The following DHDDS variants were observed in gnomAD, a reference collection of about 807,000 sequenced individuals.
The protein encoded by DHDDS is dehydrodolichyl diphosphate synthase complex subunit DHDDS.
DHDDS carries 16 observed loss-of-function variants against 46.2 expected under a neutral mutation model. The observed-to-expected ratio is 0.35, with a 90% CI of 0.23 to 0.53. The LOEUF (loss-of-function observed/expected upper bound fraction) is 0.53. Ranked by LOEUF, DHDDS falls within the 20% of genes least tolerant of loss-of-function variation. The pLI is 0.94. For missense variants in DHDDS, 340 were observed against 423.7 expected, an observed-to-expected ratio of 0.80 and a Z score of 1.73; for synonymous variants, 151 against 163.1, an observed-to-expected ratio of 0.93 and a Z score of 0.56.
In DHDDS at chr1:26,469,185, CCCCTT is replaced by C. The variant is rs2075527135; in HGVS notation, c.*57_*61del. On this transcript the variant is annotated 3_prime_UTR_variant, in exon 9 of 9. Coordinates refer to ENST00000236342, the MANE Select transcript of DHDDS (RefSeq NM_205861.3). ...TGCCCTCTGCCTCCAGGGCTCCACT[CCCCTT>C]CCTTTTCTTGGTGAAAGGCACCTCC... 2 of 1,609,446 alleles carry C rather than the reference CCCCTT, an allele frequency of 1.2e-6. No homozygotes were observed. The highest frequency in any genetic ancestry group is 3.3e-5 in the Admixed American group (2 of 60,028).
intron 4 of DHDDS, chr1:26,443,162 T>A: frequency 2.5e-6 from 1 of 398,172 alleles, no homozygotes. Flanking sequence ...TTAAACCCAC[T>A]AGGTAGAACC....
chr1:26,433,775 G>T (rs184804010), intron 2 of DHDDS, among the ~76,000 whole-genome samples: 1 of 151,366 alleles, frequency 6.6e-6, no homozygotes, highest in Non-Finnish European at 1.5e-5. Context: ...TCGCTCTGTC[G>T]CCCAGGCTGG....
At chr1:26,449,093 T>C (rs772594415) in intron 6 of DHDDS, among the ~76,000 whole-genome samples, 71 of 151,804 alleles carry the variant, frequency 4.7e-4, no homozygotes, top group Non-Finnish European at 1.0e-4. Flanking sequence ...TATTTATTTT[T>C]ATTTTTTATT....
At chr1:26,462,313 G>T (rs575803924) in intron 8 of DHDDS, among the ~76,000 whole-genome samples, 4 of 152,046 alleles carry the variant, frequency 2.6e-5, no homozygotes, top group Non-Finnish European at 5.9e-5. Flanking sequence ...GAGCCACCAT[G>T]CCTGGCCGTC....
chr1:26,452,043 G>A (rs1366965738), intron 6 of DHDDS, among the ~76,000 whole-genome samples: 2 of 151,958 alleles, frequency 1.3e-5, no homozygotes, highest in African/African-American at 4.8e-5. Flanking sequence ...CATAGCACCT[G>A]GCCTGTTTCG....
intron 4 of DHDDS, among the ~76,000 whole-genome samples, chr1:26,443,316 G>A (rs772757506): frequency 6.6e-6 from 1 of 152,146 alleles, no homozygotes; most frequent in African/African-American, 2.4e-5. Flanking sequence ...TATGGCCAAG[G>A]AAGTGGAGTT....
intron 8 of DHDDS, among the ~76,000 whole-genome samples, chr1:26,462,578 A>G (rs1338991316): frequency 6.6e-6 from 1 of 152,150 alleles, no homozygotes; most frequent in East Asian, 1.9e-4. Flanking sequence ...CCAGATAGTC[A>G]AGCTTGTTGG....
At position 26,447,667 on chromosome 1, in the gene DHDDS, C is replaced by T. The variant is rs772779004; in HGVS notation, c.542+7C>T. ...AAGGCCTGTTGGATCCCAGGTATCC[C>T]GAGTTGTTTTGCATGGTAATTGTTA... On this transcript the variant is annotated splice_region_variant and intron_variant, in intron 6 of 8. Coordinates refer to ENST00000236342, the MANE Select transcript of DHDDS (RefSeq NM_205861.3). 32 of 1,612,504 alleles carry T rather than the reference C, an allele frequency of 2.0e-5. No homozygotes were observed. The highest frequency in any genetic ancestry group is 6.7e-5 in the East Asian group (3 of 44,874).
intron 8 of DHDDS, among the ~76,000 whole-genome samples, chr1:26,460,581 T>C (rs1052602002): frequency 2.6e-5 from 4 of 152,224 alleles, no homozygotes; most frequent in Non-Finnish European, 5.9e-5. Flanking sequence ...AGCATTGTCT[T>C]TCCATTGTGT....
At chr1:26,449,850 C>T (rs558617870) in intron 6 of DHDDS, among the ~76,000 whole-genome samples, 392 of 152,252 alleles carry the variant, frequency 2.6e-3, no homozygotes, top group Non-Finnish European at 4.0e-3. Context: ...TGAGCCACCG[C>T]GCCCGGCGGT....
Position 26,440,341 on chromosome 1 carries a change from C to T in DHDDS, c.180+2057C>T, listed in dbSNP as rs559412783. On this transcript the variant is annotated intron_variant, in intron 3 of 8. Coordinates refer to ENST00000236342, the MANE Select transcript of DHDDS (RefSeq NM_205861.3). ...CTTTTGTAACTGAGAGGCAGTTTTGCCTAATGCTTAGGAGCTTGAGCTCTG... is the reference window on the plus strand; with the variant it reads ...CTTTTGTAACTGAGAGGCAGTTTTGTCTAATGCTTAGGAGCTTGAGCTCTG... 4.6e-5 allele frequency among the ~76,000 whole-genome samples: 7 copies of T among 152,218 alleles called. 1 individual carries two copies. The highest frequency in any genetic ancestry group is 1.7e-4 in the African/African-American group (7 of 41,520).
intron 6 of DHDDS, among the ~76,000 whole-genome samples, chr1:26,454,046 C>A (rs377543992): frequency 1.3e-4 from 19 of 151,998 alleles, no homozygotes; most frequent in Non-Finnish European, 2.4e-4. Flanking sequence ...CTCCGCCTCC[C>A]GGGTTCACGC....
intron 8 of DHDDS, chr1:26,467,515 G>A (rs2124544660): frequency 2.9e-6 from 1 of 348,746 alleles, no homozygotes; most frequent in South Asian, 2.2e-5. Flanking sequence ...CTTTATTGCT[G>A]AGAGACAGCA....
chr1:26,468,807 C>A, intron 8 of DHDDS, 88 bp from the exon 9 acceptor site: 5 of 1,186,200 alleles, frequency 4.2e-6, no homozygotes, highest in East Asian at 2.9e-5. Context: ...TTGGCCCACC[C>A]TGTGCCCCAC....
intron 8 of DHDDS, among the ~76,000 whole-genome samples, chr1:26,466,776 C>T (rs1172567617): frequency 6.6e-6 from 1 of 152,174 alleles, no homozygotes; most frequent in Non-Finnish European, 1.5e-5. Context: ...CCACAAGTGG[C>T]GGTGATAGAA....
Position 26,438,220 on chromosome 1 carries a change from A to T in DHDDS, c.116A>T (p.Tyr39Phe), listed in dbSNP as rs1429550781. ...IAFIMDGNRR[Y>F]AKKCQVERQE... ...TTCATAATGGACGGGAACCGTCGCT[A>T]TGCCAAGAAGTGCCAGGTGGAGCGG... Residue 39 changes from tyrosine (Y) to phenylalanine (F), a missense_variant, in exon 3 of 9, where the codon TAT (tyrosine) becomes TTT (phenylalanine). This residue lies in a region of DHDDS where 72 missense variants were observed against 123.5 expected (regional missense o/e 0.58). Transcript: ENST00000236342. The T allele has an allele frequency of 6.2e-7, 1 of 1,613,976 alleles. No individual in the cohort carries two copies. The highest frequency in any genetic ancestry group is 8.5e-7 in the Non-Finnish European group (1 of 1,179,938).
chr1:26,464,030 ACT>A (rs2075454654), intron 8 of DHDDS, among the ~76,000 whole-genome samples: 1 of 116,962 alleles, frequency 8.5e-6, no homozygotes. Context: ...ACGGAATCTC[ACT>A]CTGTCGCTGG....
intron 5 of DHDDS, among the ~76,000 whole-genome samples, chr1:26,447,004 G>C (rs943169950): frequency 6.6e-6 from 1 of 152,086 alleles, no homozygotes; most frequent in Non-Finnish European, 1.5e-5. Context: ...TCTGAAAGCC[G>C]GTGTACAGTA....
intron 8 of DHDDS, among the ~76,000 whole-genome samples, chr1:26,464,082 TC>T (rs2075455607): frequency 7.1e-6 from 1 of 140,062 alleles, no homozygotes; most frequent in Admixed American, 7.8e-5. Flanking sequence ...AACCTCTGCC[TC>T]CCGGATTCAA....
Sources: gnomAD v4.1 joint callset for allele counts (sites outside exome capture counted in the v4.1 genomes callset) on GRCh38, gnomAD v4.1.1 for gene constraint, gnomAD v4.1.1 regional missense constraint, MANE v1.5 for transcripts, NCBI Gene and HGNC (gene_info 2026-07-23, HGNC 2026-07-21) for gene names.